Variants in WDR27 observed in about 807,000 individuals in gnomAD.
WDR27 encodes the protein WD repeat-containing protein 27.
WDR27 carries 100 observed loss-of-function variants against 114.4 expected under a neutral mutation model. The observed-to-expected ratio is 0.87, with a 90% CI of 0.74 to 1.03. The LOEUF (loss-of-function observed/expected upper bound fraction) is 1.03, where lower values mean the gene tolerates loss of function less well. Among genes scored for constraint, WDR27 ranks in the 50% least tolerant of loss-of-function variants. WDR27 has a pLI of 0.00. For synonymous variants in WDR27, 449 were observed against 423.1 expected (o/e 1.06, Z -0.75); for missense variants, 1,129 against 1,092.9 (o/e 1.03, Z -0.47).
At chr6:169,501,547 C>A (rs1168655048) in intron 25 of WDR27, among the ~76,000 whole-genome samples, 1 of 152,178 alleles carries the variant, frequency 6.6e-6, no homozygotes, top group African/African-American at 2.4e-5. Context: ...CTATCTAGCC[C>A]GCAGGAAAAG....
intron 17 of WDR27, 100 bp from the exon 18 acceptor site, chr6:169,638,760 G>A: frequency 6.9e-7 from 1 of 1,446,248 alleles, no homozygotes. Flanking sequence ...AACTGGAACA[G>A]CATTTTTCAA....
rs748218962 is a variant in WDR27 at position 169,659,525 on chromosome 6, T to C, written c.1130-7A>G. The C allele has an allele frequency of 5.6e-6, 9 of 1,606,990 alleles. No homozygotes were observed. The highest frequency in any genetic ancestry group is 3.4e-5 in the South Asian group (3 of 89,512). ...ATGCTGAGGCTCTGGAAATCTTCAG[T>C]TGAGCGAAGACCAGGAAGAACATGA... is the stretch of plus-strand genomic sequence containing the variant. On this transcript the variant is annotated splice_polypyrimidine_tract_variant and splice_region_variant and intron_variant, in intron 10 of 25. Transcript: ENST00000448612. The surrounding 1 kb of genome is among the most constrained non-coding windows in gnomAD (Gnocchi z 4.3).
At position 169,664,278 on chromosome 6, in the gene WDR27, G is replaced by T; in HGVS notation, c.792C>A (p.Ile264=). 6.2e-7 allele frequency: 1 copy of T among 1,613,940 alleles called. No homozygotes were observed. Among genetic ancestry groups the T allele is most frequent in the Admixed American group, 1.7e-5 (1 of 60,026 alleles). Reference sequence around the variant, plus strand: ...AATGGTGTCCATCCATCAAACTGAAGATCCAAAGCTACAAAAGCAAAGAAG... The same window carrying T: ...AATGGTGTCCATCCATCAAACTGAATATCCAAAGCTACAAAAGCAAAGAAG... ...VTGCADGQLW[I]FSLMDGHHYR... The change falls in exon 8 of 26, where the codon ATC becomes ATA. Residue 264 remains isoleucine (I), a synonymous_variant. Coordinates refer to ENST00000448612, the MANE Select transcript of WDR27 (RefSeq NM_182552.5).
intron 25 of WDR27, among the ~76,000 whole-genome samples, chr6:169,490,067 G>A (rs1027268778): frequency 3.3e-5 from 5 of 152,202 alleles, no homozygotes; most frequent in Admixed American, 6.5e-5. Context: ...ACATGGACCC[G>A]TAGGCTTTCA....
chr6:169,457,049 C>G (rs1421042474), downstream of WDR27, among the ~76,000 whole-genome samples: 1 of 150,480 alleles, frequency 6.6e-6, no homozygotes, highest in Non-Finnish European at 1.5e-5. Context: ...CCACACTAAC[C>G]ATGCAGAACC....
chr6:169,455,887 A>G (rs1336466990), downstream of WDR27, among the ~76,000 whole-genome samples: 2 of 152,220 alleles, frequency 1.3e-5, no homozygotes, highest in Admixed American at 6.5e-5. Context: ...GGTATTTTAC[A>G]TATTAGAGTT....
chr6:169,496,536 T>C (rs1353467301), intron 25 of WDR27, among the ~76,000 whole-genome samples: 1 of 152,124 alleles, frequency 6.6e-6, no homozygotes, highest in Non-Finnish European at 1.5e-5. Context: ...ATGTTTTATA[T>C]ATAGGAAGCC....
At chr6:169,544,168 C>T (rs1797163550) in intron 25 of WDR27, among the ~76,000 whole-genome samples, 1 of 152,112 alleles carries the variant, frequency 6.6e-6, no homozygotes, top group Non-Finnish European at 1.5e-5. Flanking sequence ...TGCTCTCCCC[C>T]TAAGTCTGGG....
intron 25 of WDR27, among the ~76,000 whole-genome samples, chr6:169,482,540 C>A (rs939043033): frequency 2.6e-5 from 4 of 152,134 alleles, no homozygotes; most frequent in Admixed American, 6.5e-5. Flanking sequence ...AAAGCAAGTT[C>A]TTAGAGACCT....
chr6:169,448,564 C>T, the WDR27 span, among the ~76,000 whole-genome samples: 177 of 152,276 alleles, frequency 1.2e-3, no homozygotes, highest in Middle Eastern at 0.02. Context: ...AAGCCGGTGG[C>T]GGCTGCACTG....
intron 16 of WDR27, among the ~76,000 whole-genome samples, chr6:169,646,785 G>T (rs889531555): frequency 6.6e-6 from 1 of 151,260 alleles, no homozygotes; most frequent in Non-Finnish European, 1.5e-5. Context: ...AATGATAGAT[G>T]TCACCCACAA....
intron 25 of WDR27, among the ~76,000 whole-genome samples, chr6:169,477,524 C>T (rs757162480): frequency 1.6e-4 from 25 of 152,210 alleles, no homozygotes; most frequent in South Asian, 6.2e-4. Context: ...CTGAAACCTC[C>T]GCCTCCCAGG....
the WDR27 span, among the ~76,000 whole-genome samples, chr6:169,437,401 C>T: frequency 6.6e-6 from 1 of 152,098 alleles, no homozygotes; most frequent in East Asian, 1.9e-4. Flanking sequence ...GGGTTTTTAT[C>T]TTAATTCTGA....
intron 1 of WDR27, among the ~76,000 whole-genome samples, chr6:169,701,059 T>C (rs758905050): frequency 2.0e-5 from 3 of 152,182 alleles, no homozygotes; most frequent in Admixed American, 6.5e-5. Flanking sequence ...AAACACAAGA[T>C]AGTAATCCCA....
intron 21 of WDR27, among the ~76,000 whole-genome samples, chr6:169,632,179 G>A (rs1219483212): frequency 7.8e-6 from 1 of 128,744 alleles, no homozygotes; most frequent in East Asian, 2.4e-4. Flanking sequence ...CAGAGCGAGA[G>A]ACTCTGTCTC....
intron 10 of WDR27, among the ~76,000 whole-genome samples, chr6:169,660,124 T>C (rs1825626636): frequency 1.5e-5 from 2 of 133,418 alleles, no homozygotes; most frequent in African/African-American, 5.6e-5. Flanking sequence ...CCTGGGCTCC[T>C]GGGCAGAAAG....
At position 169,640,392 on chromosome 6, in the gene WDR27, C is replaced by T. The variant is rs116822506; in HGVS notation, c.1748-1732G>A. 2.2e-3 allele frequency among the ~76,000 whole-genome samples: 339 copies of T among 152,348 alleles called. 3 individuals carry two copies. Among genetic ancestry groups the T allele is most frequent in the African/African-American group, 7.6e-3 (315 of 41,576 alleles). ...AGTTCTGCAACAGGACGCCAGGAAACGCAGAGCTGAAATTCACAGCGCAGA... is the reference window on the plus strand; with the variant it reads ...AGTTCTGCAACAGGACGCCAGGAAATGCAGAGCTGAAATTCACAGCGCAGA... On this transcript the variant is annotated intron_variant, in intron 17 of 25. Transcript: ENST00000448612.
intron 21 of WDR27, among the ~76,000 whole-genome samples, chr6:169,632,070 C>A (rs1277205799): frequency 2.6e-5 from 4 of 151,754 alleles, no homozygotes; most frequent in East Asian, 1.9e-4. Context: ...TGCCTGTAAT[C>A]CCAGCTACTC....
intron 2 of WDR27, among the ~76,000 whole-genome samples, chr6:169,675,496 A>T (rs1293100752): frequency 6.6e-6 from 1 of 152,202 alleles, no homozygotes; most frequent in African/African-American, 2.4e-5. Context: ...TCCATGACAC[A>T]GCCCTCAGGA....
Sources: allele counts gnomAD v4.1 joint callset (sites outside exome capture counted in the v4.1 genomes callset), GRCh38; gene constraint gnomAD v4.1.1; non-coding constraint Gnocchi (gnomAD v3.1); transcripts MANE v1.5; gene names NCBI Gene and HGNC (gene_info 2026-07-23, HGNC 2026-07-21).